Variants in ATG2B observed in about 807,000 individuals in gnomAD.
ATG2B encodes autophagy-related protein 2 homolog B.
In ATG2B, 121 loss-of-function variants were observed where a neutral mutation model predicts 241.3. The observed-to-expected ratio is 0.50, with a 90% CI of 0.43 to 0.58. The LOEUF (loss-of-function observed/expected upper bound fraction) is 0.58, where lower values mean the gene tolerates loss of function less well. Among genes scored for constraint, ATG2B ranks in the 20% least tolerant of loss-of-function variants. The pLI is 0.00. For synonymous variants in ATG2B, 858 were observed against 876.6 expected (o/e 0.98, Z 0.37); for missense variants, 2,306 against 2,491.6 (o/e 0.93, Z 1.59).
At chr14:96,322,288 C>A (rs1887480026) in intron 17 of ATG2B, 34 bp from the exon 18 acceptor site, 1 of 1,566,324 alleles carries the variant, frequency 6.4e-7, no homozygotes, top group East Asian at 2.3e-5. Context: ...AAAAAAAAGG[C>A]ATCCATGTTT....
rs975063240 is a variant in ATG2B at position 96,317,778 on chromosome 14, A to G, written c.2957T>C (p.Ile986Thr). The change falls in exon 19 of 42, where the codon ATT becomes ACT. Residue 986 changes from isoleucine to threonine, a missense_variant. Coordinates refer to ENST00000359933, the MANE Select transcript of ATG2B (RefSeq NM_018036.7). The part of the protein sequence containing the change: ...VETFENISYG[I>T]GLSVASQLIN... ...GAGCTGACTGGCTACTGAAAGCCCA[A>G]TGCCATAGGAAATATTCTCGAATGT... The G allele has an allele frequency of 5.0e-6, 8 of 1,613,140 alleles. No homozygotes were observed. The highest frequency in any genetic ancestry group is 3.3e-5 in the Admixed American group (2 of 59,998).
chr14:96,314,793 C>T (rs1378131578), intron 23 of ATG2B, among the ~76,000 whole-genome samples: 3 of 152,222 alleles, frequency 2.0e-5, no homozygotes, highest in African/African-American at 4.8e-5. Context: ...CTCCGCCTCC[C>T]GGGTTCAAGC....
At position 96,289,604 on chromosome 14, in the gene ATG2B, T is replaced by G. The variant is rs1168380980; in HGVS notation, c.6006+52A>C. 8.2e-6 allele frequency: 13 copies of G among 1,590,164 alleles called. 1 individual carries two copies. Among genetic ancestry groups the G allele is most frequent in the African/African-American group, 6.8e-5 (5 of 73,812 alleles). Reference sequence around the variant, plus strand: ...CCATTAAATGCTCTTTAGGTGAAAGTTGGGAAAGCGCACAGAAGGGTTCTG... The same window carrying G: ...CCATTAAATGCTCTTTAGGTGAAAGGTGGGAAAGCGCACAGAAGGGTTCTG... On this transcript the variant is annotated intron_variant, in intron 41 of 41. Transcript: ENST00000359933. This position sits in a 1 kb window ranked among gnomAD's most constrained non-coding sequence, Gnocchi z 4.3.
In ATG2B at chr14:96,301,999, C is replaced by A. The variant is rs371229676; in HGVS notation, c.5139+8G>T. On this transcript the variant is annotated splice_region_variant and intron_variant, in intron 34 of 41. Transcript: ENST00000359933. Reference sequence around the variant, plus strand: ...TGTAACGGCAGGAATCACGCTCATGCTACAAACCTGGTCAATATTGAGGCG... The same window carrying A: ...TGTAACGGCAGGAATCACGCTCATGATACAAACCTGGTCAATATTGAGGCG... 2.4e-5 allele frequency: 39 copies of A among 1,608,652 alleles called. No homozygotes were observed. The highest frequency in any genetic ancestry group is 3.1e-5 in the Non-Finnish European group (37 of 1,175,764).
Position 96,302,090 on chromosome 14 carries a change from G to T in ATG2B, c.5056C>A (p.His1686Asn), listed in dbSNP as rs769077503. ...HSNMLTVKAL[H>N]VCPESGRSPQ... ...GACCTGCCAGATTCTGGACACACGT[G>T]TAAGGCTTTCACTGTCAACTACAAG... The change falls in exon 34 of 42, where the codon CAC becomes AAC. Residue 1686 changes from histidine to asparagine, a missense_variant. By Grantham distance (68) the His-to-Asn change is moderately conservative. Transcript: ENST00000359933. 3 of 1,613,318 alleles carry T rather than the reference G, an allele frequency of 1.9e-6. No homozygotes were observed. The highest frequency in any genetic ancestry group is 1.7e-5 in the Admixed American group (1 of 59,988).
At chr14:96,301,121 TAAC>T (rs1309620424) in intron 34 of ATG2B, among the ~76,000 whole-genome samples, 1 of 152,258 alleles carries the variant, frequency 6.6e-6, no homozygotes, top group African/African-American at 2.4e-5. Flanking sequence ...TATTATTAAA[TAAC>T]AACAGTTAAC....
rs938423022 is a variant in ATG2B at position 96,312,291 on chromosome 14, T to G, written c.3843-132A>C. Reference sequence around the variant, plus strand: ...TTGAAATCATAAGCAGTTTCTAACTTATAACTGTCATCTAACATTTTTTAA... The same window carrying G: ...TTGAAATCATAAGCAGTTTCTAACTGATAACTGTCATCTAACATTTTTTAA... On this transcript the variant is annotated intron_variant, in intron 25 of 41. Transcript: ENST00000359933. The G allele has an allele frequency of 3.0e-5, 19 of 640,786 alleles. No individual in the cohort carries two copies. The African/African-American group carries it at 3.1e-4, about 11-fold the overall frequency. The allele number at this position is 640,786 out of a possible 1,614,324, so 39.7% of individuals were successfully genotyped here. A position where few individuals can be genotyped will look rare whatever the true frequency, so the allele number is the denominator to read the frequency against.
rs1470711643 is a variant in ATG2B, at chr14:96,363,026, CG to C, written c.-51del. 6.2e-7 allele frequency: 1 copy of C among 1,606,760 alleles called. No individual in the cohort carries two copies. The highest frequency in any genetic ancestry group is 1.7e-5 in the Admixed American group (1 of 59,198). On this transcript the variant is annotated 5_prime_UTR_variant, in exon 1 of 42. Transcript: ENST00000359933. ...CTGCGGCTGCGGGTTGCGACGGCTC[CG>C]GCCTCGGGGTAGCGACTCCGGCTCC...
intron 34 of ATG2B, 80 bp downstream of exon 34, chr14:96,301,927 G>A: frequency 2.6e-6 from 3 of 1,144,068 alleles, no homozygotes; most frequent in Non-Finnish European, 3.8e-6. Flanking sequence ...GTTCAATAAT[G>A]ATAAACATTA....
At chr14:96,334,292 A>G (rs1887814615) in intron 7 of ATG2B, 113 bp downstream of exon 7, 6 of 678,188 alleles carry the variant, frequency 8.8e-6, no homozygotes, top group Non-Finnish European at 1.2e-5. Flanking sequence ...GCTTCTTTCA[A>G]TTCAGATATT....
chr14:96,348,171 C>T (rs1888219099), intron 1 of ATG2B, among the ~76,000 whole-genome samples: 1 of 152,118 alleles, frequency 6.6e-6, no homozygotes, highest in Non-Finnish European at 1.5e-5. Flanking sequence ...GAATAAGATC[C>T]TGTCATTTGC....
chr14:96,317,643 TTTG>T, intron 19 of ATG2B, 52 bp downstream of exon 19: 19 of 1,410,412 alleles, frequency 1.3e-5, no homozygotes, highest in Non-Finnish European at 1.8e-5. Flanking sequence ...AGGTTAGTAC[TTTG>T]TTAATTGATA....
chr14:96,296,814 A>G (rs1026428174), intron 34 of ATG2B, among the ~76,000 whole-genome samples: 1 of 152,022 alleles, frequency 6.6e-6, no homozygotes, highest in Non-Finnish European at 1.5e-5. Flanking sequence ...TAAAACATTA[A>G]TACTGTGCCA....
intron 41 of ATG2B, among the ~76,000 whole-genome samples, chr14:96,288,441 C>G (rs1231146094): frequency 6.6e-6 from 1 of 152,196 alleles, no homozygotes; most frequent in Non-Finnish European, 1.5e-5. Context: ...CTAATTTTAG[C>G]CTATTGATAG....
At chr14:96,331,303 T>G in intron 11 of ATG2B, 73 bp downstream of exon 11, 1 of 1,397,198 alleles carries the variant, frequency 7.2e-7, no homozygotes, top group Non-Finnish European at 9.8e-7. Context: ...AAAGTCCACA[T>G]GTGGTTCTTT....
chr14:96,321,464 C>T (rs1887454694), intron 18 of ATG2B, among the ~76,000 whole-genome samples: 1 of 152,136 alleles, frequency 6.6e-6, no homozygotes, highest in Admixed American at 6.5e-5. Context: ...TCAGAACTCT[C>T]CAAGTGTTAT....
intron 30 of ATG2B, 147 bp from the exon 31 acceptor site, chr14:96,305,962 AC>A: frequency 1.6e-6 from 1 of 643,422 alleles, no homozygotes; most frequent in South Asian, 2.0e-5. Flanking sequence ...GACATTAGTC[AC>A]CACAAAGATA....
intron 6 of ATG2B, among the ~76,000 whole-genome samples, chr14:96,336,404 C>T (rs995687952): frequency 2.6e-5 from 4 of 152,170 alleles, no homozygotes; most frequent in African/African-American, 9.7e-5. Flanking sequence ...CAAGTCATTA[C>T]ACAAAAATTA....
intron 6 of ATG2B, among the ~76,000 whole-genome samples, chr14:96,334,950 T>G (rs1363371928): frequency 6.6e-6 from 1 of 152,204 alleles, no homozygotes; most frequent in Non-Finnish European, 1.5e-5. Flanking sequence ...TAGCAGAGCA[T>G]GTAAGGACCT....
Sources: gnomAD v4.1 joint callset for allele counts (sites outside exome capture counted in the v4.1 genomes callset) on GRCh38, gnomAD v4.1.1 for gene constraint, Gnocchi (gnomAD v3.1) non-coding constraint, MANE v1.5 for transcripts, NCBI Gene and HGNC (gene_info 2026-07-23, HGNC 2026-07-21) for gene names.